Variants in WDPCP observed in about 807,000 individuals in gnomAD.
WDPCP encodes WD repeat-containing and planar cell polarity effector protein fritz homolog.
A neutral mutation model predicts 93.1 loss-of-function variants in WDPCP; 71 were observed. The ratio of observed to expected loss-of-function variants is 0.76; its 90% CI spans 0.63 to 0.93. The LOEUF is 0.93. WDPCP is among the 40% of genes least tolerant of loss of function. WDPCP has a pLI of 0.00. For synonymous variants in WDPCP, 315 were observed against 315.0 expected, an observed-to-expected ratio of 1.00 and a Z score of 0.00; for missense variants, 844 against 887.4, an observed-to-expected ratio of 0.95 and a Z score of 0.62.
At chr2:63,350,208 C>T (rs991006641) in intron 12 of WDPCP, among the ~76,000 whole-genome samples, 2 of 152,146 alleles carry the variant, frequency 1.3e-5, no homozygotes, top group Non-Finnish European at 2.9e-5. Context: ...CCAAACACCA[C>T]ATGTTCTCAT....
chr2:63,475,509 T>G (rs974085969), intron 6 of WDPCP, among the ~76,000 whole-genome samples: 1 of 152,162 alleles, frequency 6.6e-6, no homozygotes, highest in African/African-American at 2.4e-5. Context: ...ATTTTATACA[T>G]TAGTTTCATT....
intron 10 of WDPCP, among the ~76,000 whole-genome samples, chr2:63,391,387 T>G (rs889133724): frequency 6.6e-6 from 1 of 152,144 alleles, no homozygotes; most frequent in Non-Finnish European, 1.5e-5. Flanking sequence ...TGATGGAATA[T>G]ATCCCCAAAC....
chr2:63,722,539 G>A (rs1213290121), intron 2 of WDPCP, among the ~76,000 whole-genome samples: 1,999 of 108,442 alleles, frequency 0.018, 2 homozygotes, highest in Middle Eastern at 0.027. Context: ...CCGGCCAGCC[G>A]CCCCATCCGG....
intron 9 of WDPCP, among the ~76,000 whole-genome samples, chr2:63,420,598 C>G (rs1017934632): frequency 1.0e-3 from 159 of 151,544 alleles, no homozygotes; most frequent in Non-Finnish European, 1.6e-3. Flanking sequence ...AAATCCTATT[C>G]CCTTGCCTCT....
chr2:63,494,813 G>C (rs1023193276), intron 1 of WDPCP, among the ~76,000 whole-genome samples: 2 of 151,880 alleles, frequency 1.3e-5, no homozygotes, highest in African/African-American at 4.8e-5. Context: ...CCACCTACTC[G>C]GGAGGCTGAG....
intron 15 of WDPCP, among the ~76,000 whole-genome samples, chr2:63,158,493 T>C (rs972288920): frequency 6.6e-6 from 1 of 152,196 alleles, no homozygotes; most frequent in Non-Finnish European, 1.5e-5. Flanking sequence ...GTCCCAAGTT[T>C]CCCTCTGGTA....
In WDPCP at chr2:63,722,660, G is replaced by C. The variant is rs1310966352; in HGVS notation, n.309-71822C>G. On this transcript the variant is annotated intron_variant and non_coding_transcript_variant, in intron 2 of 4. Transcript: ENST00000467687. ...GCCGCCCCGTCCGGGAGGGAGGTGG[G>C]GGGGGGTCAGCCCCCCGCCCGGCCA... is the stretch of plus-strand genomic sequence containing the variant. 1.2e-4 allele frequency among the ~76,000 whole-genome samples: 16 copies of C among 132,658 alleles called. 1 individual carries two copies. Among genetic ancestry groups the C allele is most frequent in the Non-Finnish European group, 2.2e-4 (13 of 59,282 alleles). 87.0% of individuals were successfully genotyped at this position (132,658 alleles called of 152,430 possible).
chr2:63,438,035 T>A (rs1558635449), intron 7 of WDPCP: 2 of 1,264,300 alleles, frequency 1.6e-6, no homozygotes, highest in South Asian at 3.2e-5. Context: ...TTTAGGGGTA[T>A]ACAAGCTGGA....
At chr2:63,290,906 T>C (rs1046624606) in intron 13 of WDPCP, among the ~76,000 whole-genome samples, 11 of 152,182 alleles carry the variant, frequency 7.2e-5, no homozygotes, top group African/African-American at 2.2e-4. Flanking sequence ...TGTGCCAAGA[T>C]ATGGTGTGCC....
chr2:63,175,167 G>A (rs1673713672), intron 14 of WDPCP, among the ~76,000 whole-genome samples: 3 of 151,978 alleles, frequency 2.0e-5, no homozygotes, highest in Non-Finnish European at 4.4e-5. Context: ...AATATTGCAG[G>A]AAGTGATTTT....
In WDPCP at chr2:63,404,048, C is replaced by T; in HGVS notation, c.1435G>A (p.Gly479Ser). ...TTACTCATCACTTTCCTTGACTTAC[C>T]TAGTTTAAACAACAGCACACCCAAA... ...GPLGVLLFKL[G>S]VFTRGQLGLI... The change falls in exon 10 of 18, where the codon GGC becomes AGC. Residue 479 changes from glycine to serine, a missense_variant and splice_region_variant. By Grantham distance (56) the Gly-to-Ser change is moderately conservative. Transcript: ENST00000272321. 3 of 1,613,962 alleles carry T rather than the reference C, an allele frequency of 1.9e-6. No homozygotes were observed. The highest frequency in any genetic ancestry group is 2.5e-6 in the Non-Finnish European group (3 of 1,179,962).
chr2:63,452,383 A>T (rs1327429863), intron 6 of WDPCP, among the ~76,000 whole-genome samples: 3 of 152,210 alleles, frequency 2.0e-5, no homozygotes, highest in African/African-American at 7.2e-5. Flanking sequence ...TCCAACTTAC[A>T]AGGGATGTGA....
At chr2:63,685,206 C>T (rs1443336846) in intron 2 of WDPCP, among the ~76,000 whole-genome samples, 1 of 151,844 alleles carries the variant, frequency 6.6e-6, no homozygotes. Context: ...ATTGACAAAC[C>T]CTTAGGCAGA....
chr2:63,822,253 G>GTT (rs1413160517), intron 1 of WDPCP, among the ~76,000 whole-genome samples: 1 of 152,038 alleles, frequency 6.6e-6, no homozygotes, highest in Non-Finnish European at 1.5e-5. Flanking sequence ...ACGGCCTGTT[G>GTT]TGACCGCATC....
intron 3 of WDPCP, among the ~76,000 whole-genome samples, chr2:63,612,616 C>T (rs548139848): frequency 1.3e-5 from 2 of 152,284 alleles, no homozygotes; most frequent in East Asian, 3.9e-4. Context: ...CATACACTTA[C>T]CTTTCCACAG....
At chr2:63,257,469 C>T (rs1303466694) in intron 14 of WDPCP, among the ~76,000 whole-genome samples, 1 of 152,134 alleles carries the variant, frequency 6.6e-6, no homozygotes, top group Admixed American at 6.6e-5. Context: ...CAGTTTTCTG[C>T]AGCAAAACTG....
chr2:63,524,608 T>C (rs994173602), intron 1 of WDPCP, among the ~76,000 whole-genome samples: 46 of 152,316 alleles, frequency 3.0e-4, no homozygotes, highest in Admixed American at 1.4e-3. Flanking sequence ...CAACTCAAGA[T>C]GGATTAAAGA....
In WDPCP at chr2:63,588,460, C is replaced by G. The variant is rs1015374380; in HGVS notation, c.-189G>C. 6 of 693,824 alleles carry G rather than the reference C, an allele frequency of 8.6e-6. No individual in the cohort carries two copies. Among genetic ancestry groups the G allele is most frequent in the Non-Finnish European group, 1.6e-5 (6 of 382,162 alleles). The allele number at this position is 693,824 out of a possible 1,614,324, so 43.0% of individuals were successfully genotyped here. ...TCGCTTAGCAACCTGAGAAGCTGTC[C>G]GGTCGTCCCAACTTATCAATTCCCC... On this transcript the variant is annotated 5_prime_UTR_variant, in exon 1 of 18. Transcript: ENST00000272321.
chr2:63,765,691 A>G (rs1225944573), intron 2 of WDPCP, among the ~76,000 whole-genome samples: 2 of 152,162 alleles, frequency 1.3e-5, no homozygotes, highest in Admixed American at 1.3e-4. Flanking sequence ...TGGACTCTGG[A>G]TCAAGTCTCA....
Sources: gnomAD v4.1 joint callset for allele counts (sites outside exome capture counted in the v4.1 genomes callset) on GRCh38, gnomAD v4.1.1 for gene constraint, MANE v1.5 for transcripts, NCBI Gene and HGNC (gene_info 2026-07-23, HGNC 2026-07-21) for gene names.